BSCL2: variants seen among roughly 807,000 people sequenced by gnomAD.
BSCL2 encodes BSCL2 lipid droplet biogenesis associated, seipin.
In BSCL2, 41 loss-of-function variants were observed where a neutral mutation model predicts 57.4. The observed-to-expected ratio is 0.71, with a 90% CI of 0.56 to 0.93. The LOEUF is 0.93. BSCL2 is among the 40% of genes least tolerant of loss of function. BSCL2 has a pLI of 0.00. For synonymous variants in BSCL2, 237 were observed against 227.3 expected, an observed-to-expected ratio of 1.04 and a Z score of -0.38; for missense variants, 539 against 586.7, an observed-to-expected ratio of 0.92 and a Z score of 0.84.
At chr11:62,697,851 T>A (rs1332503347) in intron 3 of BSCL2, among the ~76,000 whole-genome samples, 1 of 150,240 alleles carries the variant, frequency 6.7e-6, no homozygotes, top group Non-Finnish European at 1.5e-5. Flanking sequence ...TCTTAGACTA[T>A]CCCAGACAAC....
intron 6 of BSCL2, among the ~76,000 whole-genome samples, chr11:62,691,979 G>A (rs765571002): frequency 3.7e-4 from 56 of 151,918 alleles, no homozygotes; most frequent in Non-Finnish European, 4.9e-4. Flanking sequence ...GTGAACCCGG[G>A]AGGCAGAGCT....
chr11:62,704,040 G>A (rs1945734713), intron 2 of BSCL2, among the ~76,000 whole-genome samples: 4 of 151,626 alleles, frequency 2.6e-5, no homozygotes, highest in Admixed American at 2.6e-4. Context: ...GCAGGAGAAT[G>A]GCTTGAATCT....
intron 6 of BSCL2, among the ~76,000 whole-genome samples, chr11:62,691,786 C>T (rs1446647422): frequency 6.6e-6 from 1 of 152,190 alleles, no homozygotes; most frequent in East Asian, 1.9e-4. Flanking sequence ...CGCGGTGGCT[C>T]ACGCCTGTAA....
chr11:62,702,095 T>C lies in BSCL2; in HGVS notation c.486+373A>G, dbSNP rs571027142. On this transcript the variant is annotated intron_variant, in intron 3 of 10. Coordinates refer to ENST00000360796, the MANE Select transcript of BSCL2 (RefSeq NM_001122955.4). ...TCCTTTTTTTTTTTAAGACAGAGCTTCATTCTTGTTGCCCAGGCTGGAGTG... is the reference window on the plus strand; with the variant it reads ...TCCTTTTTTTTTTTAAGACAGAGCTCCATTCTTGTTGCCCAGGCTGGAGTG... Among the ~76,000 whole-genome samples, 3 of 151,916 alleles carry C rather than the reference T, an allele frequency of 2.0e-5. No homozygotes were observed. The East Asian group carries it at 5.8e-4, about 29-fold the overall frequency.
intron 2 of BSCL2, among the ~76,000 whole-genome samples, chr11:62,703,516 CTAA>C (rs1310726216): frequency 6.6e-6 from 1 of 151,416 alleles, no homozygotes; most frequent in Non-Finnish European, 1.5e-5. Context: ...CCACGCCCGG[CTAA>C]TTTTTTTATT....
At chr11:62,705,706 G>C in intron 1 of BSCL2, 89 bp from the exon 2 acceptor site, 1 of 1,243,106 alleles carries the variant, frequency 8.0e-7, no homozygotes. Context: ...TGAGGAACGA[G>C]AGATAGCAGG....
At chr11:62,702,654 A>C in intron 2 of BSCL2, 105 bp from the exon 3 acceptor site, 1 of 856,620 alleles carries the variant, frequency 1.2e-6, no homozygotes, top group Non-Finnish European at 1.9e-6. Context: ...CCCTTCTCTC[A>C]GAACAGGCAC....
intron 3 of BSCL2, among the ~76,000 whole-genome samples, chr11:62,701,804 C>T (rs1429007488): frequency 2.0e-5 from 3 of 148,522 alleles, no homozygotes; most frequent in Non-Finnish European, 4.4e-5. Flanking sequence ...TGCAATCCAG[C>T]CTGGCGACAG....
chr11:62,692,357 A>G lies in BSCL2; in HGVS notation c.863+19T>C, dbSNP rs746265239. 1 of 1,613,056 alleles carries G rather than the reference A, an allele frequency of 6.2e-7. No homozygotes were observed. The highest frequency in any genetic ancestry group is 1.7e-5 in the Admixed American group (1 of 59,968). On this transcript the variant is annotated intron_variant, in intron 6 of 10. Transcript: ENST00000360796. ...CCCCGTGAAGAGTTGCCCAAGGTTC[A>G]CTCCAGTTGGCCCCTCACCTGAGCC...
Position 62,705,305 on chromosome 11 carries a change from A to G in BSCL2, c.400T>C (p.Tyr134His), listed in dbSNP as rs781527096. Residue 134 changes from tyrosine (Y) to histidine (H), a missense_variant, in exon 2 of 11, where the codon TAC (tyrosine) becomes CAC (histidine). By Grantham distance (83) the Tyr-to-His change is moderately conservative (BLOSUM62 2). This residue lies in a region of BSCL2 where 218 missense variants were observed against 224.8 expected (regional missense o/e 0.97). Transcript: ENST00000360796. The part of the protein sequence containing the change: ...VSHLSPVHFY[Y>H]RTDCDSSTTS... ...TTGATAGAAGGCCCCTCTCACCTGT[A>G]GTAGAAATGCACAGGGCTGAGGTGG... 1.2e-6 allele frequency: 2 copies of G among 1,610,550 alleles called. No individual in the cohort carries two copies. The highest frequency in any genetic ancestry group is 1.7e-6 in the Non-Finnish European group (2 of 1,178,228).
intron 2 of BSCL2, among the ~76,000 whole-genome samples, chr11:62,703,642 C>T (rs560705360): frequency 7.3e-5 from 11 of 151,682 alleles, no homozygotes; most frequent in East Asian, 3.9e-4. Flanking sequence ...TGAGCCACCG[C>T]GCCCGGCCGT....
rs893603198 is a variant in BSCL2, at chr11:62,702,630, C to T, written c.405-81G>A. Reference sequence around the variant, plus strand: ...ACACCTTCTTTGCCCCCTAGGGCTCCCTCCTGCCCTCCTCCCTTCTCTCAG... The same window carrying T: ...ACACCTTCTTTGCCCCCTAGGGCTCTCTCCTGCCCTCCTCCCTTCTCTCAG... On this transcript the variant is annotated intron_variant, in intron 2 of 10. Coordinates refer to ENST00000360796, the MANE Select transcript of BSCL2 (RefSeq NM_001122955.4). 14 of 1,094,444 alleles carry T rather than the reference C, an allele frequency of 1.3e-5. No individual in the cohort carries two copies. The East Asian group carries it at 3.4e-4, about 27-fold the overall frequency. The allele number at this position is 1,094,444 out of a possible 1,614,324, so 67.8% of individuals were successfully genotyped here.
chr11:62,700,661 T>A (rs550829370), intron 3 of BSCL2, among the ~76,000 whole-genome samples: 16 of 150,034 alleles, frequency 1.1e-4, no homozygotes, highest in African/African-American at 3.2e-4. Flanking sequence ...AATAAATAAA[T>A]AAAACTTCAG....
chr11:62,704,582 T>C (rs1019521645), intron 2 of BSCL2, among the ~76,000 whole-genome samples: 81 of 138,692 alleles, frequency 5.8e-4, no homozygotes, highest in Non-Finnish European at 7.7e-4. Flanking sequence ...AAAAAACCCA[T>C]CTCTACTAAA....
rs1272152120 is a variant in BSCL2 at position 62,691,141 on chromosome 11, C to T, written c.1006G>A (p.Val336Ile). ...GAATTGTCTCTTTTTCGGATGTTAA[C>T]CTGTGGAGGAAAAACTACTGAGCAG... ...IWPRHRFSLQVNIRKRDNSRK... is the reference protein window; with the variant it reads ...IWPRHRFSLQINIRKRDNSRK... Residue 336 changes from valine to isoleucine, a missense_variant and splice_region_variant, in exon 8 of 11, where the codon GTT (valine) becomes ATT (isoleucine). Physicochemically the swap from Val to Ile is conservative, Grantham distance 29 (BLOSUM62 3). Around this residue, in one of 3 missense-constraint regions of BSCL2, gnomAD observed 248 missense variants for 239.9 expected, o/e 1.03. Coordinates refer to ENST00000360796, the MANE Select transcript of BSCL2 (RefSeq NM_001122955.4). The T allele has an allele frequency of 6.2e-7, 1 of 1,614,206 alleles. No individual in the cohort carries two copies. Among genetic ancestry groups the T allele is most frequent in the Middle Eastern group, 1.6e-4 (1 of 6,062 alleles).
At chr11:62,708,501 CA>C, upstream of BSCL2, 2 of 1,209,454 alleles carry the variant, frequency 1.7e-6, no homozygotes, top group Non-Finnish European at 2.4e-6. Context: ...TCCCTGAGGT[CA>C]GGGGAGGAGT....
intron 4 of BSCL2, among the ~76,000 whole-genome samples, chr11:62,693,820 CT>C (rs199512070): frequency 0.026 from 3,829 of 146,224 alleles, 82 homozygotes; most frequent in East Asian, 0.14. Context: ...ATTCCTTTCT[CT>C]TTTTTTTTTT....
chr11:62,706,450 C>G (rs1331491564), intron 1 of BSCL2: 5 of 414,962 alleles, frequency 1.2e-5, no homozygotes, highest in Non-Finnish European at 2.2e-5. Context: ...TCCTTGCGCT[C>G]GCCACTGGCT....
In BSCL2 at chr11:62,696,893, C is replaced by G. The variant is rs571230322; in HGVS notation, c.487-2182G>C. Reference sequence around the variant, plus strand: ...ACATTAAAATAGGTAGTTCTCTTAGCCAGGTGTGGTGGTGCATGCCTGCAG... The same window carrying G: ...ACATTAAAATAGGTAGTTCTCTTAGGCAGGTGTGGTGGTGCATGCCTGCAG... On this transcript the variant is annotated intron_variant, in intron 3 of 10. Coordinates refer to ENST00000360796, the MANE Select transcript of BSCL2 (RefSeq NM_001122955.4). Among the ~76,000 whole-genome samples the G allele has an allele frequency of 9.9e-5, 15 of 152,010 alleles. No individual in the cohort carries two copies. In the East Asian group the frequency reaches 2.7e-3, roughly 28 times the overall value.
Sources: gnomAD v4.1 joint callset for allele counts (sites outside exome capture counted in the v4.1 genomes callset) on GRCh38, gnomAD v4.1.1 for gene constraint, gnomAD v4.1.1 regional missense constraint, MANE v1.5 for transcripts, NCBI Gene and HGNC (gene_info 2026-07-23, HGNC 2026-07-21) for gene names.